Variants in THUMPD2 observed in about 807,000 individuals in gnomAD.
THUMPD2 encodes U6 snRNA (guanine-N(2))-methyltransferase THUMPD2.
A neutral mutation model predicts 49.4 loss-of-function variants in THUMPD2; 56 were observed. That is an observed-to-expected ratio of 1.13 (90% CI 0.91 to 1.41). THUMPD2 has a LOEUF of 1.41. Ranked by LOEUF, THUMPD2 falls within the 40% of genes most tolerant of loss-of-function variation. THUMPD2 has a pLI of 0.00. For missense variants in THUMPD2, 709 were observed against 594.5 expected, an observed-to-expected ratio of 1.19 and a Z score of -2.00; for synonymous variants, 237 against 205.2, an observed-to-expected ratio of 1.15 and a Z score of -1.32.
chr2:39,755,142 G>C (rs909580324), intron 8 of THUMPD2, among the ~76,000 whole-genome samples, 153 bp downstream of exon 8: 1 of 145,600 alleles, frequency 6.9e-6, no homozygotes, highest in African/African-American at 2.7e-5. Context: ...AAAATAAAAA[G>C]GTTAGACTAT....
chr2:39,736,066 C>T lies in THUMPD2; in HGVS notation c.*669G>A, dbSNP rs1015489928. On this transcript the variant is annotated 3_prime_UTR_variant, in exon 10 of 10. Coordinates refer to ENST00000505747, the MANE Select transcript of THUMPD2 (RefSeq NM_025264.5). The stretch of plus-strand genomic sequence containing the variant: ...ACATTAAACCAGAGCATATATTCTC[C>T]TCAAACTTACTGTTTCTTTTTCTCA... 3.9e-5 allele frequency: 6 copies of T among 152,204 alleles called. No individual in the cohort carries two copies. The highest frequency in any genetic ancestry group is 1.4e-4 in the African/African-American group (6 of 41,444). 9.4% of individuals were successfully genotyped at this position (152,204 alleles called of 1,614,324 possible). A position where few individuals can be genotyped will look rare whatever the true frequency, so the allele number is the denominator to read the frequency against.
chr2:39,747,002 T>G (rs1226879203), intron 8 of THUMPD2, among the ~76,000 whole-genome samples: 1 of 152,226 alleles, frequency 6.6e-6, no homozygotes, highest in African/African-American at 2.4e-5. Flanking sequence ...ACTAATCATT[T>G]TGCCTTGATT....
chr2:39,768,688 T>C (rs1677877776), intron 3 of THUMPD2, 187 bp from the exon 4 acceptor site: 1 of 676,094 alleles, frequency 1.5e-6, no homozygotes, highest in Non-Finnish European at 2.5e-6. Flanking sequence ...GTATTTTACC[T>C]GCCCTAGCCC....
At chr2:39,773,576 T>TTTTAAAAATATATATATATTTATA (rs1553373740) in intron 1 of THUMPD2, among the ~76,000 whole-genome samples, 7 of 31,802 alleles carry the variant, frequency 2.2e-4, no homozygotes, top group South Asian at 1.7e-3. Context: ...TATATTTATA[T>TTTTAAAAATATATATATATTTATA]TTTAAAAATA....
intron 8 of THUMPD2, among the ~76,000 whole-genome samples, chr2:39,751,554 A>C (rs1216075500): frequency 1.3e-5 from 2 of 152,210 alleles, no homozygotes; most frequent in Non-Finnish European, 2.9e-5. Flanking sequence ...ATATCTGCAG[A>C]TTTAAAAAAG....
chr2:39,772,022 T>C (rs1320374501), intron 1 of THUMPD2, among the ~76,000 whole-genome samples: 1 of 152,092 alleles, frequency 6.6e-6, no homozygotes, highest in Non-Finnish European at 1.5e-5. Flanking sequence ...GACAATAACT[T>C]GAATTAAATC....
At chr2:39,746,409 T>C (rs1482296404) in intron 8 of THUMPD2, among the ~76,000 whole-genome samples, 1 of 152,192 alleles carries the variant, frequency 6.6e-6, no homozygotes, top group East Asian at 1.9e-4. Context: ...AAACAGATTG[T>C]TGTCCCCATC....
chr2:39,776,254 T>C (rs756751936), intron 1 of THUMPD2, among the ~76,000 whole-genome samples: 7 of 152,122 alleles, frequency 4.6e-5, no homozygotes, highest in African/African-American at 7.2e-5. Context: ...ATGAAGAAAT[T>C]TGCCATACAA....
Position 39,755,891 on chromosome 2 carries a change from G to A in THUMPD2, c.961C>T (p.Pro321Ser), listed in dbSNP as rs1243124864. The A allele has an allele frequency of 6.2e-7, 1 of 1,613,520 alleles. No homozygotes were observed. The highest frequency in any genetic ancestry group is 2.2e-5 in the East Asian group (1 of 44,812). ...TILLEAAKEW[P>S]DVYYVGADVS... ...CTTTACCAAACTTTAGAACTTACTG[G>A]CCATTCTTTAGCAGCTTCCAAAAGT... Residue 321 changes from proline to serine, a missense_variant and splice_region_variant, in exon 7 of 10, where the codon CCA becomes TCA. By Grantham distance (74) the Pro-to-Ser change is moderately conservative (BLOSUM62 -1). Transcript: ENST00000505747.
intron 8 of THUMPD2, among the ~76,000 whole-genome samples, chr2:39,754,118 G>GGAGAATGTAAA (rs1675789747): frequency 6.6e-6 from 1 of 152,104 alleles, no homozygotes; most frequent in Admixed American, 6.5e-5. Context: ...AAGGTGCTTT[G>GGAGAATGTAAA]GAGAATGTAA....
intron 5 of THUMPD2, among the ~76,000 whole-genome samples, chr2:39,764,272 G>T (rs1372323476): frequency 6.6e-6 from 1 of 152,190 alleles, no homozygotes; most frequent in Non-Finnish European, 1.5e-5. Flanking sequence ...AGATTTTCAC[G>T]TGGGTTATCT....
At chr2:39,741,763 A>C (rs1673924406) in intron 9 of THUMPD2, among the ~76,000 whole-genome samples, 1 of 152,160 alleles carries the variant, frequency 6.6e-6, no homozygotes. Flanking sequence ...TACTATTTCC[A>C]CTGCCTGTTA....
Position 39,736,794 on chromosome 2 carries a change from G to A in THUMPD2, c.1453C>T (p.Leu485Phe), listed in dbSNP as rs757319951. 15 of 1,614,154 alleles carry A rather than the reference G, an allele frequency of 9.3e-6. No homozygotes were observed. Among genetic ancestry groups the A allele is most frequent in the Non-Finnish European group, 1.1e-5 (13 of 1,180,014 alleles). Residue 485 changes from leucine (L) to phenylalanine (F), a missense_variant, in exon 10 of 10, where the codon CTT (leucine) becomes TTT (phenylalanine). Physicochemically the swap from Leu to Phe is conservative, Grantham distance 22. Transcript: ENST00000505747. ...CATATGAACGCATCTGTCTTTCCAA[G>A]GCTAACTTTGTAGCATTCCACTGGT... is the stretch of plus-strand genomic sequence containing the variant. ...LVPVECYKVS[L>F]GKTDAFICKY... is the part of the protein sequence containing the mutation.
At chr2:39,760,497 CAA>C (rs895612478) in intron 6 of THUMPD2, among the ~76,000 whole-genome samples, 3 of 151,812 alleles carry the variant, frequency 2.0e-5, no homozygotes, top group African/African-American at 7.3e-5. Flanking sequence ...GAGAAGGAAA[CAA>C]AGTGTGAGAA....
intron 5 of THUMPD2, among the ~76,000 whole-genome samples, chr2:39,763,549 C>G (rs540189345): frequency 1.3e-5 from 2 of 152,230 alleles, no homozygotes; most frequent in East Asian, 1.9e-4. Flanking sequence ...CCAGTATTTA[C>G]TAATTGTTCA....
chr2:39,744,993 C>T (rs1364762746), intron 8 of THUMPD2, among the ~76,000 whole-genome samples: 1 of 152,098 alleles, frequency 6.6e-6, no homozygotes, highest in East Asian at 1.9e-4. Flanking sequence ...ATAATCAACA[C>T]AATGATTATC....
chr2:39,755,408 T>C lies in THUMPD2; in HGVS notation c.965A>G (p.Asp322Gly). 1 of 1,537,058 alleles carries C rather than the reference T, an allele frequency of 6.5e-7. No homozygotes were observed. Among genetic ancestry groups the C allele is most frequent in the Non-Finnish European group, 8.8e-7 (1 of 1,137,718 alleles). The change falls in exon 8 of 10, where the codon GAT becomes GGT. Residue 322 changes from aspartate to glycine, a missense_variant and splice_region_variant. By Grantham distance (94) the Asp-to-Gly change is moderately conservative. Transcript: ENST00000505747. ...ILLEAAKEWP[D>G]VYYVGADVSD... ...GACATCAGCACCTACATAATACACA[T>C]CCTATGGGGAAATAAATATTTTAAG...
At chr2:39,771,672 C>A (rs1399798250) in intron 1 of THUMPD2, 32 bp from the exon 2 acceptor site, 4 of 1,574,186 alleles carry the variant, frequency 2.5e-6, no homozygotes, top group East Asian at 4.5e-5. Context: ...TTAATGTAGT[C>A]CAGTGTCAGT....
intron 1 of THUMPD2, among the ~76,000 whole-genome samples, chr2:39,778,890 G>C (rs1679471854): frequency 6.6e-6 from 1 of 152,216 alleles, no homozygotes; most frequent in Non-Finnish European, 1.5e-5. Context: ...AAAAACTTGA[G>C]CCCTGAGAAG....
Sources: allele counts gnomAD v4.1 joint callset (sites outside exome capture counted in the v4.1 genomes callset), GRCh38; gene constraint gnomAD v4.1.1; transcripts MANE v1.5; gene names NCBI Gene and HGNC (gene_info 2026-07-23, HGNC 2026-07-21).